The following GNB1L variants were observed in gnomAD, a reference collection of about 807,000 sequenced individuals.
GNB1L encodes the protein G protein subunit beta 1 like, also known as guanine nucleotide-binding protein subunit beta-like protein 1.
GNB1L carries 20 observed loss-of-function variants against 29.1 expected under a neutral mutation model. The observed-to-expected ratio is 0.69, with a 90% confidence interval of 0.48 to 1.00. The LOEUF (loss-of-function observed/expected upper bound fraction) is 1.00, where lower values mean the gene tolerates loss of function less well. Among genes scored for constraint, GNB1L ranks in the 50% least tolerant of loss-of-function variants. The pLI is 0.00. For synonymous variants in GNB1L, 193 were observed against 206.5 expected (o/e 0.93, Z 0.56); for missense variants, 421 against 464.9 (o/e 0.91, Z 0.87).
In GNB1L at chr22:19,791,776, T is replaced by C. The variant is rs182386751; in HGVS notation, c.733-2816A>G. Among the ~76,000 whole-genome samples the C allele has an allele frequency of 2.6e-5, 4 of 152,310 alleles. No individual in the cohort carries two copies. The East Asian group carries it at 7.7e-4, about 29-fold the overall frequency. On this transcript the variant is annotated intron_variant, in intron 7 of 7. Transcript: ENST00000329517. The stretch of plus-strand genomic sequence containing the variant: ...TGAATGTGAAGACTGTGTGACAGCC[T>C]GAGACCAGCTGAGCTACCAGAACGG...
intron 5 of GNB1L, among the ~76,000 whole-genome samples, chr22:19,808,928 G>A (rs1421955926): frequency 1.3e-5 from 2 of 152,076 alleles, no homozygotes; most frequent in Non-Finnish European, 2.9e-5. Context: ...AGGGCTGTGG[G>A]GAGGGTCTGG....
At chr22:19,799,539 C>T (rs5992484) in intron 7 of GNB1L, among the ~76,000 whole-genome samples, 1 of 152,238 alleles carries the variant, frequency 6.6e-6, no homozygotes, top group Non-Finnish European at 1.5e-5. Flanking sequence ...CGTGGTGCGG[C>T]GAAGCCACCA....
rs113876358 is a variant in GNB1L, at chr22:19,799,208, C to T, written c.732+2793G>A. 7.4e-4 allele frequency among the ~76,000 whole-genome samples: 113 copies of T among 152,336 alleles called. 2 individuals carry two copies. The highest frequency in any genetic ancestry group is 2.6e-3 in the African/African-American group (109 of 41,572). ...ATTACTTAAAGCCCTAAGAATATGG[C>T]TGGCTGTAAATCAGTCCCCACTTCA... On this transcript the variant is annotated intron_variant, in intron 7 of 7. Transcript: ENST00000329517.
intron 7 of GNB1L, 152 bp downstream of exon 7, chr22:19,801,849 G>A (rs972930638): frequency 2.2e-5 from 15 of 674,406 alleles, no homozygotes; most frequent in East Asian, 8.3e-5. Flanking sequence ...TTCTTCCTGC[G>A]CCAGCCATGG....
intron 2 of GNB1L, chr22:19,846,624 C>T (rs1170539263): frequency 1.4e-5 from 12 of 881,208 alleles, no homozygotes; most frequent in Non-Finnish European, 1.6e-5. Context: ...GTCCTAACCC[C>T]TAGTACTTAC....
intron 2 of GNB1L, among the ~76,000 whole-genome samples, chr22:19,852,920 T>A (rs1275063411): frequency 3.3e-5 from 5 of 152,140 alleles, no homozygotes. Context: ...GAGGCTTAAC[T>A]ACTATACAGC....
chr22:19,852,438 C>T (rs949819180), intron 2 of GNB1L: 6 of 633,390 alleles, frequency 9.5e-6, no homozygotes, highest in Admixed American at 9.2e-5. Context: ...CTCAGGAGAG[C>T]TGAGAAGAGC....
At chr22:19,812,006 G>A (rs1937506327) in intron 5 of GNB1L, among the ~76,000 whole-genome samples, 1 of 152,128 alleles carries the variant, frequency 6.6e-6, no homozygotes, top group South Asian at 2.1e-4. Flanking sequence ...TCCTCCATGT[G>A]CAGAACTATG....
At chr22:19,823,382 G>A (rs777493314) in intron 2 of GNB1L, among the ~76,000 whole-genome samples, 3 of 152,196 alleles carry the variant, frequency 2.0e-5, no homozygotes, top group Non-Finnish European at 2.9e-5. Flanking sequence ...TCCTGAAGAC[G>A]CAGCCAGGCC....
intron 4 of GNB1L, among the ~76,000 whole-genome samples, chr22:19,815,378 G>A (rs991130373): frequency 1.3e-5 from 2 of 152,210 alleles, no homozygotes; most frequent in South Asian, 2.1e-4. Context: ...GACATTTGGA[G>A]CACAAAGACG....
chr22:19,799,327 G>A (rs894914014), intron 7 of GNB1L, among the ~76,000 whole-genome samples: 2 of 152,320 alleles, frequency 1.3e-5, no homozygotes, highest in Non-Finnish European at 1.5e-5. Flanking sequence ...GACAGCTCAC[G>A]GGAAAGCCGC....
At chr22:19,843,941 TA>T (rs1025812955) in intron 2 of GNB1L, among the ~76,000 whole-genome samples, 54 of 152,274 alleles carry the variant, frequency 3.5e-4, no homozygotes, top group Admixed American at 2.0e-4. Flanking sequence ...CCCTAGGGTA[TA>T]GCTGCCCCCC....
intron 7 of GNB1L, among the ~76,000 whole-genome samples, chr22:19,789,444 C>G (rs1397237490): frequency 6.6e-6 from 1 of 152,144 alleles, no homozygotes; most frequent in Non-Finnish European, 1.5e-5. Context: ...GGTATGTGAA[C>G]CCCCAAGCTC....
rs1045714174 is a variant in GNB1L at position 19,790,191 on chromosome 22, T to C, written c.733-1231A>G. Among the ~76,000 whole-genome samples the C allele has an allele frequency of 4.6e-5, 7 of 152,148 alleles. No individual in the cohort carries two copies. In the South Asian group the frequency reaches 1.0e-3, roughly 23 times the overall value. ...GAGATAACTGGAGAACTGCAGCAAA[T>C]GGTCTGGCAGGGAGCACTGGACCCA... On this transcript the variant is annotated intron_variant, in intron 7 of 7. Coordinates refer to ENST00000329517, the MANE Select transcript of GNB1L (RefSeq NM_053004.3).
At chr22:19,803,860 C>T (rs1354943056) in intron 6 of GNB1L, among the ~76,000 whole-genome samples, 3 of 152,242 alleles carry the variant, frequency 2.0e-5, no homozygotes, top group Non-Finnish European at 4.4e-5. Flanking sequence ...CCAGCCTGTG[C>T]CACCCTCCTC....
intron 6 of GNB1L, among the ~76,000 whole-genome samples, chr22:19,804,620 GAA>G (rs568037494): frequency 6.9e-6 from 1 of 145,056 alleles, no homozygotes. Flanking sequence ...CAATGTTTCA[GAA>G]AAAAAAAAAG....
intron 5 of GNB1L, among the ~76,000 whole-genome samples, chr22:19,808,063 T>C (rs3827286): frequency 0.14 from 20,829 of 152,186 alleles, 1,820 homozygotes; most frequent in East Asian, 0.43. Flanking sequence ...GCTCAGCCTC[T>C]GCCAGCAGGG....
intron 2 of GNB1L, chr22:19,851,678 G>A: frequency 2.5e-6 from 4 of 1,596,710 alleles, no homozygotes; most frequent in Non-Finnish European, 3.4e-6. Context: ...CAGGGGCAGG[G>A]GACAGGTAAC....
At chr22:19,809,721 G>A (rs1030452459) in intron 5 of GNB1L, among the ~76,000 whole-genome samples, 10 of 152,182 alleles carry the variant, frequency 6.6e-5, no homozygotes, top group Admixed American at 3.3e-4. Flanking sequence ...TCCATTGCAC[G>A]CCCCGGGAGG....
Sources: gnomAD v4.1 joint callset for allele counts (sites outside exome capture counted in the v4.1 genomes callset) on GRCh38, gnomAD v4.1.1 for gene constraint, MANE v1.5 for transcripts, NCBI Gene and HGNC (gene_info 2026-07-23, HGNC 2026-07-21) for gene names.